The following RMDN2 variants were observed in gnomAD, a reference collection of about 807,000 sequenced individuals.
RMDN2 encodes the protein regulator of microtubule dynamics 2.
A neutral mutation model predicts 52.8 loss-of-function variants in RMDN2; 61 were observed. The observed-to-expected ratio is 1.16, with a 90% CI of 0.94 to 1.43. The LOEUF is 1.43. Ranked by LOEUF, RMDN2 falls within the 40% of genes most tolerant of loss-of-function variation. The pLI, the probability that RMDN2 is intolerant of heterozygous loss-of-function variation, is 0.00. For synonymous variants in RMDN2, 180 were observed against 153.1 expected, an observed-to-expected ratio of 1.18 and a Z score of -1.30; for missense variants, 592 against 475.3, an observed-to-expected ratio of 1.25 and a Z score of -2.28.
intron 2 of RMDN2, among the ~76,000 whole-genome samples, chr2:37,969,938 T>C (rs1671572692): frequency 6.6e-6 from 1 of 151,970 alleles, no homozygotes; most frequent in South Asian, 2.1e-4. Flanking sequence ...CTGTTTTCTT[T>C]CCCTTTCCCT....
intron 8 of RMDN2, among the ~76,000 whole-genome samples, chr2:38,001,686 C>G (rs1162570488): frequency 2.0e-5 from 3 of 152,162 alleles, no homozygotes; most frequent in African/African-American, 4.8e-5. Flanking sequence ...GAGGCAACTA[C>G]CAGGCATAGA....
At chr2:37,921,783 G>C (rs889032756), upstream of RMDN2, among the ~76,000 whole-genome samples, 2 of 152,160 alleles carry the variant, frequency 1.3e-5, no homozygotes, top group African/African-American at 4.8e-5. Flanking sequence ...TATGTGGCCT[G>C]GGACAAGTTT....
chr2:38,012,589 A>AT (rs750481725), intron 10 of RMDN2: 3 of 468,748 alleles, frequency 6.4e-6, no homozygotes, highest in African/African-American at 4.0e-5. Context: ...CTCACATTGC[A>AT]TTTTTTTCCT....
intron 10 of RMDN2, among the ~76,000 whole-genome samples, chr2:38,006,964 A>T (rs938873301): frequency 1.3e-5 from 2 of 152,124 alleles, no homozygotes; most frequent in Non-Finnish European, 2.9e-5. Flanking sequence ...TGAGATAATC[A>T]TATGTTTTTT....
At chr2:37,979,227 G>T (rs1057429845) in intron 4 of RMDN2, among the ~76,000 whole-genome samples, 1 of 152,180 alleles carries the variant, frequency 6.6e-6, no homozygotes. Flanking sequence ...ACGAAGGGTG[G>T]AGGGAAGGGG....
Position 37,978,538 on chromosome 2 carries a change from T to C in RMDN2, c.731-2745T>C, listed in dbSNP as rs1672868663. Among the ~76,000 whole-genome samples the C allele has an allele frequency of 1.3e-5, 2 of 151,618 alleles. 1 individual carries two copies. The highest frequency in any genetic ancestry group is 4.2e-4 in the South Asian group (2 of 4,802). On this transcript the variant is annotated intron_variant, in intron 4 of 10. Coordinates refer to ENST00000354545, the MANE Select transcript of RMDN2 (RefSeq NM_001170791.3). ...GAAATAAGCTCTTATTAAAGAAGAG[T>C]ACAGAGGCTGGATGTAGTGGCTCAT...
At chr2:37,980,717 C>T (rs1020857448) in intron 4 of RMDN2, among the ~76,000 whole-genome samples, 6 of 152,056 alleles carry the variant, frequency 3.9e-5, no homozygotes, top group African/African-American at 1.4e-4. Flanking sequence ...GCAAGAACTT[C>T]TCAGGGAAGC....
intron 2 of RMDN2, among the ~76,000 whole-genome samples, chr2:37,954,731 G>C (rs941012122): frequency 1.3e-5 from 2 of 151,950 alleles, no homozygotes; most frequent in African/African-American, 4.8e-5. Flanking sequence ...TTTTCTATTT[G>C]TACAAAAAAT....
intron 10 of RMDN2, among the ~76,000 whole-genome samples, chr2:38,023,995 T>C (rs1339260564): frequency 6.6e-6 from 1 of 152,194 alleles, no homozygotes; most frequent in African/African-American, 2.4e-5. Flanking sequence ...TTTCTGTCAT[T>C]ATACATTACA....
Position 37,951,913 on chromosome 2 carries a change from A to G in RMDN2, c.453-22127A>G, listed in dbSNP as rs115807310. The stretch of plus-strand genomic sequence containing the variant: ...CCCGATCAACAAAATGGAATTGCCA[A>G]TGATATTCAACAAAGGGGCCAATTA... On this transcript the variant is annotated intron_variant, in intron 2 of 10. Coordinates refer to ENST00000354545, the MANE Select transcript of RMDN2 (RefSeq NM_001170791.3). 5.5e-4 allele frequency: 888 copies of G among 1,613,388 alleles called. 5 individuals are homozygous for G. In the African/African-American group the frequency reaches 9.4e-3, roughly 17 times the overall value.
At chr2:38,008,876 A>G (rs1234138573) in intron 10 of RMDN2, among the ~76,000 whole-genome samples, 2 of 152,224 alleles carry the variant, frequency 1.3e-5, no homozygotes, top group Admixed American at 1.3e-4. Flanking sequence ...TGCTTCCTTC[A>G]GGAGCTCTTT....
intron 10 of RMDN2, among the ~76,000 whole-genome samples, chr2:38,064,629 G>T (rs998967169): frequency 3.9e-5 from 6 of 152,190 alleles, no homozygotes; most frequent in African/African-American, 1.4e-4. Flanking sequence ...CCTTGCTTCT[G>T]TATATACAAT....
intron 2 of RMDN2, among the ~76,000 whole-genome samples, chr2:37,941,692 C>T (rs559033653): frequency 3.3e-5 from 5 of 152,276 alleles, no homozygotes; most frequent in Non-Finnish European, 5.9e-5. Flanking sequence ...TTGTTTACAC[C>T]GTGTGGGGAA....
At position 37,992,460 on chromosome 2, in the gene RMDN2, T is replaced by C. The variant is rs1674937108; in HGVS notation, c.945+1163T>C. 2.6e-5 allele frequency among the ~76,000 whole-genome samples: 4 copies of C among 152,232 alleles called. No homozygotes were observed. In the South Asian group the frequency reaches 8.3e-4, roughly 32 times the overall value. On this transcript the variant is annotated intron_variant, in intron 7 of 10. Coordinates refer to ENST00000354545, the MANE Select transcript of RMDN2 (RefSeq NM_001170791.3). ...AATGATGCCTTCATTCTCTGAAATA[T>C]TGCACTGTTGAGTATACTGTTAATT...
At chr2:37,930,348 G>C (rs1666627624) in intron 2 of RMDN2, among the ~76,000 whole-genome samples, 1 of 152,218 alleles carries the variant, frequency 6.6e-6, no homozygotes, top group South Asian at 2.1e-4. Context: ...CAGTGGCTAG[G>C]TCTCTTTTCT....
chr2:38,039,091 C>G (rs7426076), intron 10 of RMDN2, among the ~76,000 whole-genome samples: 39,112 of 104,184 alleles, frequency 0.38, 7,372 homozygotes, highest in East Asian at 0.82. Flanking sequence ...CACACACACA[C>G]ACAGAGAGAG....
At chr2:37,963,971 C>T (rs1267502378) in intron 2 of RMDN2, among the ~76,000 whole-genome samples, 3 of 149,834 alleles carry the variant, frequency 2.0e-5, no homozygotes, top group Non-Finnish European at 4.5e-5. Flanking sequence ...CCGGACAGGG[C>T]GGCTGGCCGG....
At chr2:38,036,192 C>CGAG (rs1680569452) in intron 10 of RMDN2, 4 of 152,240 alleles carry the variant, frequency 2.6e-5, no homozygotes, top group African/African-American at 9.6e-5. Context: ...CATCCGTCAC[C>CGAG]TGCCGGAGCA....
chr2:37,976,076 CTT>C (rs1402568804), intron 4 of RMDN2, among the ~76,000 whole-genome samples: 3 of 152,136 alleles, frequency 2.0e-5, no homozygotes, highest in Admixed American at 1.3e-4. Context: ...AACTCGCAGA[CTT>C]TAATGTTTTT....
Sources: allele counts gnomAD v4.1 joint callset (sites outside exome capture counted in the v4.1 genomes callset), GRCh38; gene constraint gnomAD v4.1.1; transcripts MANE v1.5; gene names NCBI Gene and HGNC (gene_info 2026-07-23, HGNC 2026-07-21).